Variants in PLCL1 observed in about 807,000 individuals in gnomAD.
The protein encoded by PLCL1 is inactive phospholipase C-like protein 1.
PLCL1 carries 41 observed loss-of-function variants against 84.4 expected under a neutral mutation model. The ratio of observed to expected loss-of-function variants is 0.49; its 90% CI spans 0.38 to 0.63. PLCL1 has a LOEUF of 0.63. PLCL1 is among the 30% of genes least tolerant of loss of function. PLCL1 has a pLI of 0.00. For missense variants in PLCL1, 1,206 were observed against 1,367.8 expected, an observed-to-expected ratio of 0.88 and a Z score of 1.87; for synonymous variants, 490 against 488.3, an observed-to-expected ratio of 1.00 and a Z score of -0.05.
At chr2:197,879,552 A>G (rs1687792074) in intron 1 of PLCL1, among the ~76,000 whole-genome samples, 1 of 152,122 alleles carries the variant, frequency 6.6e-6, no homozygotes, top group Non-Finnish European at 1.5e-5. Context: ...GTATATGTAG[A>G]CTTCTAGGAT....
In PLCL1 at chr2:197,866,036, A is replaced by AAATAT. The variant is rs1553497671; in HGVS notation, c.240+60698_240+60699insATATA. Among the ~76,000 whole-genome samples the AAATAT allele has an allele frequency of 3.5e-4, 10 of 28,246 alleles. 5 individuals carry two copies. In the African/African-American group the frequency reaches 3.8e-3, roughly 11 times the overall value. 18.5% of individuals were successfully genotyped at this position (28,246 alleles called of 152,430 possible). A position where few individuals can be genotyped will look rare whatever the true frequency, so the allele number is the denominator to read the frequency against. ...AAAAAAAAAAAAAAAAAAAAAAAAAAATATATATATATATATACACACACA... is the reference window on the plus strand; with the variant it reads ...AAAAAAAAAAAAAAAAAAAAAAAAAAAATATATATATATATATATATACACACACA... On this transcript the variant is annotated intron_variant, in intron 1 of 5. Transcript: ENST00000428675.
chr2:198,128,610 G>C (rs1003085113), intron 5 of PLCL1, among the ~76,000 whole-genome samples: 1 of 152,080 alleles, frequency 6.6e-6, no homozygotes, highest in Non-Finnish European at 1.5e-5. Context: ...CAAGTGCAGG[G>C]TCTGCAAAAC....
At chr2:198,142,050 G>A (rs1486340892) in intron 5 of PLCL1, among the ~76,000 whole-genome samples, 3 of 152,050 alleles carry the variant, frequency 2.0e-5, no homozygotes, top group South Asian at 4.1e-4. Flanking sequence ...GGGATAGTGC[G>A]GTTCATGGGA....
chr2:197,921,454 T>C (rs1357945630), intron 1 of PLCL1, among the ~76,000 whole-genome samples: 2 of 152,258 alleles, frequency 1.3e-5, no homozygotes, highest in East Asian at 1.9e-4. Flanking sequence ...ATTATAAATA[T>C]TGGCGTGGAA....
intron 1 of PLCL1, among the ~76,000 whole-genome samples, chr2:198,065,184 C>G (rs1435218400): frequency 6.6e-6 from 1 of 152,082 alleles, no homozygotes; most frequent in African/African-American, 2.4e-5. Context: ...TTTTCATTTT[C>G]TTTGGTGGTA....
chr2:198,071,287 C>A (rs903456971), intron 1 of PLCL1, among the ~76,000 whole-genome samples: 7 of 151,944 alleles, frequency 4.6e-5, no homozygotes, highest in Non-Finnish European at 8.8e-5. Flanking sequence ...ATATCAGCAG[C>A]ATGGCAGTGA....
intron 1 of PLCL1, among the ~76,000 whole-genome samples, chr2:197,963,130 T>C (rs948348756): frequency 4.6e-5 from 7 of 152,086 alleles, no homozygotes; most frequent in African/African-American, 1.7e-4. Context: ...GCTCTATTTT[T>C]AGTTTTTTGA....
intron 1 of PLCL1, among the ~76,000 whole-genome samples, chr2:198,024,337 A>G (rs2342557): frequency 0.69 from 104,432 of 151,954 alleles, 36,248 homozygotes; most frequent in Middle Eastern, 0.85. Context: ...CATGGCACAT[A>G]TATACCTATG....
intron 1 of PLCL1, among the ~76,000 whole-genome samples, chr2:197,962,705 T>A (rs1249294175): frequency 6.6e-6 from 1 of 152,026 alleles, no homozygotes; most frequent in East Asian, 1.9e-4. Context: ...TAAGTATGAT[T>A]TTGTACCCAT....
At chr2:198,005,861 CAG>C (rs1690717252) in intron 1 of PLCL1, among the ~76,000 whole-genome samples, 1 of 152,210 alleles carries the variant, frequency 6.6e-6, no homozygotes, top group South Asian at 2.1e-4. Context: ...GCTGAGCAAA[CAG>C]TGCACATTTC....
At chr2:198,105,871 G>A (rs1693462214) in intron 5 of PLCL1, among the ~76,000 whole-genome samples, 1 of 151,788 alleles carries the variant, frequency 6.6e-6, no homozygotes, top group African/African-American at 2.4e-5. Context: ...GCTCTCTGCT[G>A]CACATGAATT....
intron 5 of PLCL1, among the ~76,000 whole-genome samples, chr2:198,141,464 A>G (rs533490536): frequency 1.3e-5 from 2 of 150,896 alleles, no homozygotes; most frequent in East Asian, 1.9e-4. Context: ...GTAACATACC[A>G]AGAGTGTAAC....
intron 1 of PLCL1, among the ~76,000 whole-genome samples, chr2:198,072,498 C>A (rs1292209020): frequency 6.6e-6 from 1 of 151,592 alleles, no homozygotes; most frequent in Non-Finnish European, 1.5e-5. Flanking sequence ...GCTTAACTAT[C>A]CAAAATTATA....
In PLCL1 at chr2:198,112,059, C is replaced by T. The variant is rs527360698; in HGVS notation, c.3105+8123C>T. Among the ~76,000 whole-genome samples, 9 of 151,972 alleles carry T rather than the reference C, an allele frequency of 5.9e-5. No individual in the cohort carries two copies. In the South Asian group the frequency reaches 1.9e-3, roughly 32 times the overall value. ...TATATTTACAAAACAACTCTCTTTTCTCAATCTGGTTTCCCAGGTACACTT... is the reference window on the plus strand; with the variant it reads ...TATATTTACAAAACAACTCTCTTTTTTCAATCTGGTTTCCCAGGTACACTT... On this transcript the variant is annotated intron_variant, in intron 5 of 5. Coordinates refer to ENST00000428675, the MANE Select transcript of PLCL1 (RefSeq NM_006226.4).
At chr2:198,121,799 A>G (rs1263972036) in intron 5 of PLCL1, among the ~76,000 whole-genome samples, 3 of 152,028 alleles carry the variant, frequency 2.0e-5, no homozygotes, top group Non-Finnish European at 4.4e-5. Flanking sequence ...GAATACAGGC[A>G]GGCTCCCATA....
At chr2:198,024,776 C>A (rs201700505) in intron 1 of PLCL1, among the ~76,000 whole-genome samples, 31 of 135,160 alleles carry the variant, frequency 2.3e-4, no homozygotes, top group African/African-American at 6.1e-4. Context: ...AAAAAAAAAA[C>A]AATTACTACG....
At chr2:197,931,682 AC>A (rs1420191882) in intron 1 of PLCL1, among the ~76,000 whole-genome samples, 324 of 28,132 alleles carry the variant, frequency 0.012, 3 homozygotes, top group African/African-American at 0.038. Flanking sequence ...CCAACCACCC[AC>A]CCACCCACCC....
At chr2:198,095,030 C>G (rs761832221) in intron 3 of PLCL1, among the ~76,000 whole-genome samples, 3 of 151,994 alleles carry the variant, frequency 2.0e-5, no homozygotes, top group Non-Finnish European at 4.4e-5. Flanking sequence ...CTCTAAAAGT[C>G]GAAGGTAGAA....
chr2:197,861,126 T>G (rs1480291906), intron 1 of PLCL1, among the ~76,000 whole-genome samples: 1 of 152,172 alleles, frequency 6.6e-6, no homozygotes, highest in Non-Finnish European at 1.5e-5. Flanking sequence ...CTGGGTAGCT[T>G]CAGGATGGGG....
Sources: allele counts gnomAD v4.1 joint callset (sites outside exome capture counted in the v4.1 genomes callset), GRCh38; gene constraint gnomAD v4.1.1; transcripts MANE v1.5; gene names NCBI Gene and HGNC (gene_info 2026-07-23, HGNC 2026-07-21).